FIGN: variants seen among roughly 807,000 people sequenced by gnomAD.
FIGN encodes fidgetin, microtubule severing factor, also known as fidgetin.
A neutral mutation model predicts 51.3 loss-of-function variants in FIGN; 11 were observed. That is an observed-to-expected ratio of 0.21 (90% CI 0.13 to 0.35). FIGN has a LOEUF of 0.35. FIGN is among the 10% of genes least tolerant of loss of function. The probability of loss-of-function intolerance (pLI) is 1.00; values close to 1 mark genes in which losing one functional copy is unlikely to be tolerated. For synonymous variants in FIGN, 407 were observed against 363.2 expected, an observed-to-expected ratio of 1.12 and a Z score of -1.37; for missense variants, 857 against 943.6, an observed-to-expected ratio of 0.91 and a Z score of 1.20.
intron 2 of FIGN, among the ~76,000 whole-genome samples, chr2:163,622,486 G>A (rs1192714370): frequency 6.6e-6 from 1 of 152,014 alleles, no homozygotes; most frequent in Non-Finnish European, 1.5e-5. Context: ...CTTTAGTAAT[G>A]GGTAAGTAGC....
At chr2:163,663,206 C>T (rs996985661) in intron 2 of FIGN, among the ~76,000 whole-genome samples, 7 of 151,356 alleles carry the variant, frequency 4.6e-5, no homozygotes, top group East Asian at 1.9e-4. Flanking sequence ...CAGGCGTGAT[C>T]GACCGCACCT....
At chr2:163,678,332 C>A (rs915201305) in intron 2 of FIGN, among the ~76,000 whole-genome samples, 1 of 151,972 alleles carries the variant, frequency 6.6e-6, no homozygotes, top group Admixed American at 6.6e-5. Flanking sequence ...CTGATTCTCC[C>A]GCCTCAGCCT....
At chr2:163,637,643 A>C (rs1683246690) in intron 2 of FIGN, among the ~76,000 whole-genome samples, 1 of 152,088 alleles carries the variant, frequency 6.6e-6, no homozygotes, top group African/African-American at 2.4e-5. Flanking sequence ...TCAAAAAAGA[A>C]GAGTGAATTC....
intron 2 of FIGN, among the ~76,000 whole-genome samples, chr2:163,721,567 G>T (rs541835666): frequency 6.6e-6 from 1 of 152,182 alleles, no homozygotes; most frequent in East Asian, 1.9e-4. Context: ...TGCTGAAGAT[G>T]CAGTGTTTTT....
rs527872730 is a variant in FIGN, at chr2:163,630,518, T to C, written c.26-18712A>G. ...CAAGGTGAAAGGCAATGCGGAAAGATCAAGGCAAACTCATCACCACCATGA... is the reference window on the plus strand; with the variant it reads ...CAAGGTGAAAGGCAATGCGGAAAGACCAAGGCAAACTCATCACCACCATGA... On this transcript the variant is annotated intron_variant, in intron 2 of 2. Coordinates refer to ENST00000333129, the MANE Select transcript of FIGN (RefSeq NM_018086.4). Among the ~76,000 whole-genome samples, 16 of 152,104 alleles carry C rather than the reference T, an allele frequency of 1.1e-4. 1 individual carries two copies. The South Asian group carries it at 3.3e-3, about 32-fold the overall frequency.
intron 2 of FIGN, among the ~76,000 whole-genome samples, chr2:163,629,685 A>G (rs184316399): frequency 8.8e-4 from 134 of 152,264 alleles, no homozygotes; most frequent in African/African-American, 3.1e-3. Flanking sequence ...GTTGCTTTCT[A>G]GCTACAAGTA....
intron 2 of FIGN, among the ~76,000 whole-genome samples, chr2:163,618,675 G>A (rs533472619): frequency 1.3e-5 from 2 of 151,856 alleles, no homozygotes; most frequent in South Asian, 2.1e-4. Context: ...CACTTCATTC[G>A]TGCCTGGCAA....
chr2:163,646,891 A>G (rs1403272028), intron 2 of FIGN, among the ~76,000 whole-genome samples: 1 of 152,236 alleles, frequency 6.6e-6, no homozygotes, highest in East Asian at 1.9e-4. Flanking sequence ...TCATTGAAGA[A>G]GTGTAATTAT....
chr2:163,641,693 G>T (rs1456779295), intron 2 of FIGN, among the ~76,000 whole-genome samples: 1 of 152,176 alleles, frequency 6.6e-6, no homozygotes, highest in African/African-American at 2.4e-5. Context: ...GATTGCAATG[G>T]CAGCAAATGC....
chr2:163,709,676 C>T (rs1361121909), intron 2 of FIGN, among the ~76,000 whole-genome samples: 9 of 152,072 alleles, frequency 5.9e-5, no homozygotes, highest in South Asian at 2.1e-4. Flanking sequence ...TTCCATTACC[C>T]GAGAAGCCCC....
chr2:163,631,446 C>T (rs1282352558), intron 2 of FIGN, among the ~76,000 whole-genome samples: 1 of 151,998 alleles, frequency 6.6e-6, no homozygotes, highest in African/African-American at 2.4e-5. Context: ...TAGTAAGATA[C>T]CTGATTCCCT....
At chr2:163,624,900 T>C (rs970628894) in intron 2 of FIGN, among the ~76,000 whole-genome samples, 1 of 152,066 alleles carries the variant, frequency 6.6e-6, no homozygotes, top group African/African-American at 2.4e-5. Context: ...AAAGTGTTCC[T>C]AGCGCTGAAT....
In FIGN at chr2:163,692,595, C is replaced by T. The variant is rs145481066; in HGVS notation, c.25+42308G>A. ...TCTTTCTACTGAAGATTATGATTCC[C>T]GAAAGGGTTTGAATGTCTATTCCTG... On this transcript the variant is annotated intron_variant, in intron 2 of 2. Transcript: ENST00000333129. Among the ~76,000 whole-genome samples the T allele has an allele frequency of 9.3e-3, 1,419 of 152,148 alleles. 12 individuals carry two copies. The highest frequency in any genetic ancestry group is 0.016 in the Non-Finnish European group (1,083 of 67,996).
At chr2:163,705,088 T>C (rs1684477693) in intron 2 of FIGN, among the ~76,000 whole-genome samples, 1 of 152,194 alleles carries the variant, frequency 6.6e-6, no homozygotes, top group Admixed American at 6.6e-5. Flanking sequence ...ATGTATGTTT[T>C]TATTCTAATC....
intron 2 of FIGN, among the ~76,000 whole-genome samples, chr2:163,721,467 T>A (rs1684755873): frequency 1.3e-5 from 2 of 152,252 alleles, no homozygotes; most frequent in Admixed American, 6.5e-5. Flanking sequence ...GAAGTCACAC[T>A]GCAAAAATGC....
chr2:163,700,725 C>T (rs1370613384), intron 2 of FIGN, among the ~76,000 whole-genome samples: 2 of 152,084 alleles, frequency 1.3e-5, no homozygotes, highest in Non-Finnish European at 2.9e-5. Flanking sequence ...TAAGAAATGC[C>T]TCTGAATCTG....
intron 2 of FIGN, among the ~76,000 whole-genome samples, chr2:163,722,948 A>T (rs185229145): frequency 0.012 from 1,865 of 152,100 alleles, 42 homozygotes; most frequent in African/African-American, 0.041. Flanking sequence ...GCACATTGAG[A>T]GGCAGAGGCG....
chr2:163,655,442 T>C (rs901968132), intron 2 of FIGN, among the ~76,000 whole-genome samples: 1 of 151,382 alleles, frequency 6.6e-6, no homozygotes, highest in African/African-American at 2.4e-5. Context: ...AGGTTTTCAA[T>C]TGACACTGGA....
intron 2 of FIGN, among the ~76,000 whole-genome samples, chr2:163,720,865 C>A (rs1169969773): frequency 6.6e-6 from 1 of 152,130 alleles, no homozygotes; most frequent in Non-Finnish European, 1.5e-5. Flanking sequence ...TAATTCAGAT[C>A]ATAGGCCAAA....
Sources: gnomAD v4.1 joint callset for allele counts (sites outside exome capture counted in the v4.1 genomes callset) on GRCh38, gnomAD v4.1.1 for gene constraint, MANE v1.5 for transcripts, NCBI Gene and HGNC (gene_info 2026-07-23, HGNC 2026-07-21) for gene names.